RAB3C: variants seen among roughly 807,000 people sequenced by gnomAD.
The protein encoded by RAB3C is ras-related protein Rab-3C.
In RAB3C, 17 loss-of-function variants were observed where a neutral mutation model predicts 26.4. The observed-to-expected ratio is 0.64, with a 90% CI of 0.44 to 0.97. RAB3C has a LOEUF of 0.97. Ranked by LOEUF, RAB3C falls within the 50% of genes least tolerant of loss-of-function variation. The probability of loss-of-function intolerance (pLI) is 0.00; values close to 1 mark genes in which losing one functional copy is unlikely to be tolerated. For missense variants in RAB3C, 242 were observed against 281.9 expected (o/e 0.86, Z 1.01); for synonymous variants, 91 against 95.9 (o/e 0.95, Z 0.30).
intron 2 of RAB3C, among the ~76,000 whole-genome samples, chr5:58,706,326 G>A (rs1054558585): frequency 2.6e-5 from 4 of 151,978 alleles, no homozygotes; most frequent in Non-Finnish European, 5.9e-5. Context: ...TTGGGCATTC[G>A]TCTCAAATTC....
intron 2 of RAB3C, among the ~76,000 whole-genome samples, chr5:58,718,861 C>G (rs1447211803): frequency 6.6e-6 from 1 of 151,922 alleles, no homozygotes; most frequent in Non-Finnish European, 1.5e-5. Flanking sequence ...ATTAACTGCT[C>G]TAGGGAAAAA....
At chr5:58,739,819 A>G (rs915288477) in intron 3 of RAB3C, among the ~76,000 whole-genome samples, 1 of 152,232 alleles carries the variant, frequency 6.6e-6, no homozygotes, top group Non-Finnish European at 1.5e-5. Context: ...GTTGGTTCAC[A>G]TTTAAAGCCT....
chr5:58,838,252 C>T (rs1480908752), intron 4 of RAB3C, among the ~76,000 whole-genome samples: 1 of 151,776 alleles, frequency 6.6e-6, no homozygotes, highest in Admixed American at 6.6e-5. Flanking sequence ...TGGTGGCGGG[C>T]GCCTGTAGTC....
At chr5:58,645,991 C>T (rs1747508445) in intron 2 of RAB3C, among the ~76,000 whole-genome samples, 1 of 152,200 alleles carries the variant, frequency 6.6e-6, no homozygotes, top group Non-Finnish European at 1.5e-5. Flanking sequence ...TGGACAGGGC[C>T]ATAAGTGGGC....
In RAB3C at chr5:58,854,373, C is replaced by T. The variant is rs1365791714; in HGVS notation, c.*3022C>T. The stretch of plus-strand genomic sequence containing the variant: ...CAAGAGCTTTGGTGTTGGTACCTTC[C>T]TTTCTTTTCCTAATGCAACTGAAAA... On this transcript the variant is annotated 3_prime_UTR_variant, in exon 5 of 5. Transcript: ENST00000282878. The T allele has an allele frequency of 6.6e-6, 1 of 152,168 alleles. No individual in the cohort carries two copies. The highest frequency in any genetic ancestry group is 2.4e-5 in the African/African-American group (1 of 41,438). The allele number at this position is 152,168 out of a possible 1,614,324, so 9.4% of individuals were successfully genotyped here.
intron 3 of RAB3C, among the ~76,000 whole-genome samples, chr5:58,807,831 A>C (rs1742977512): frequency 6.6e-6 from 1 of 152,160 alleles, no homozygotes; most frequent in Non-Finnish European, 1.5e-5. Flanking sequence ...AGAATAAAAA[A>C]AAAAATTTAA....
chr5:58,781,141 T>C (rs914328007), intron 3 of RAB3C, among the ~76,000 whole-genome samples: 1 of 151,842 alleles, frequency 6.6e-6, no homozygotes, highest in African/African-American at 2.4e-5. Flanking sequence ...GGGAAATCAG[T>C]CAAATAAAAA....
At chr5:58,614,470 G>A (rs74635229) in intron 1 of RAB3C, among the ~76,000 whole-genome samples, 21,300 of 151,686 alleles carry the variant, frequency 0.14, 1,623 homozygotes, top group Non-Finnish European at 0.16. Context: ...TGTTAAATTA[G>A]GAAATAGTAC....
chr5:58,744,072 A>AT (rs1209032890), intron 3 of RAB3C, among the ~76,000 whole-genome samples: 4 of 152,198 alleles, frequency 2.6e-5, no homozygotes, highest in Admixed American at 6.5e-5. Flanking sequence ...GAGTCTGTGT[A>AT]TGGATCAGGA....
chr5:58,842,993 G>T (rs1743908264), intron 4 of RAB3C, among the ~76,000 whole-genome samples: 1 of 152,316 alleles, frequency 6.6e-6, no homozygotes, highest in Non-Finnish European at 1.5e-5. Flanking sequence ...ATGTACAAAG[G>T]TTAAGAGTGT....
chr5:58,689,438 AGAGGG>A (rs1748515635), intron 2 of RAB3C: 1 of 152,178 alleles, frequency 6.6e-6, no homozygotes, highest in Admixed American at 6.6e-5. Flanking sequence ...CAGATAATTT[AGAGGG>A]CATCCCATGA....
At position 58,844,250 on chromosome 5, in the gene RAB3C, G is replaced by A. The variant is rs1011408397; in HGVS notation, c.497-6914G>A. 2.6e-5 allele frequency among the ~76,000 whole-genome samples: 4 copies of A among 152,138 alleles called. No homozygotes were observed. In the South Asian group the frequency reaches 6.2e-4, roughly 24 times the overall value. On this transcript the variant is annotated intron_variant, in intron 4 of 4. Transcript: ENST00000282878. ...TCCATCTTCTTATATTATGGACCAG[G>A]ATTTGTTAAGGCCATAGACTGACCA...
At chr5:58,693,138 T>C (rs1238854113) in intron 2 of RAB3C, among the ~76,000 whole-genome samples, 1 of 147,196 alleles carries the variant, frequency 6.8e-6, no homozygotes, top group African/African-American at 2.5e-5. Flanking sequence ...AAAATATATA[T>C]AAATTATATT....
rs565370396 is a variant in RAB3C at position 58,752,448 on chromosome 5, G to T, written c.371+26328G>T. 1.5e-4 allele frequency among the ~76,000 whole-genome samples: 23 copies of T among 150,454 alleles called. No homozygotes were observed. In the South Asian group the frequency reaches 4.6e-3, roughly 30 times the overall value. ...CAGAATAGATTAAGAACTACAGTAC[G>T]GAAAGCTTATTGAGTCAATGACAGA... On this transcript the variant is annotated intron_variant, in intron 3 of 4. Transcript: ENST00000282878.
In RAB3C at chr5:58,757,973, G is replaced by A. The variant is rs997379437; in HGVS notation, c.371+31853G>A. 4.0e-5 allele frequency among the ~76,000 whole-genome samples: 6 copies of A among 151,592 alleles called. No homozygotes were observed. The South Asian group carries it at 8.4e-4, about 21-fold the overall frequency. On this transcript the variant is annotated intron_variant, in intron 3 of 4. Transcript: ENST00000282878. Reference sequence around the variant, plus strand: ...TGTTTTGTTTTTGAGACGGAGTCTCGCTCTGTCGCCCAGGCTGGAGTGCAG... The same window carrying A: ...TGTTTTGTTTTTGAGACGGAGTCTCACTCTGTCGCCCAGGCTGGAGTGCAG...
chr5:58,584,779 C>G (rs1745976982), intron 1 of RAB3C, among the ~76,000 whole-genome samples: 1 of 151,992 alleles, frequency 6.6e-6, no homozygotes, highest in Non-Finnish European at 1.5e-5. Flanking sequence ...TATGTATGCA[C>G]TGATATTTTT....
At chr5:58,740,580 G>T in intron 3 of RAB3C, among the ~76,000 whole-genome samples, 1 of 152,182 alleles carries the variant, frequency 6.6e-6, no homozygotes, top group East Asian at 1.9e-4. Flanking sequence ...CCAGCACTTT[G>T]GGAGGCTGAG....
intron 3 of RAB3C, among the ~76,000 whole-genome samples, chr5:58,795,139 G>A (rs1006069722): frequency 6.6e-6 from 1 of 152,046 alleles, no homozygotes; most frequent in African/African-American, 2.4e-5. Context: ...TTTGTAAAGG[G>A]GAGTTCCCCT....
intron 2 of RAB3C, among the ~76,000 whole-genome samples, chr5:58,708,879 G>A (rs980643119): frequency 7.2e-5 from 11 of 152,170 alleles, no homozygotes; most frequent in African/African-American, 2.7e-4. Flanking sequence ...ATTAAATTTT[G>A]CTGTATACAT....
Sources: allele counts gnomAD v4.1 joint callset (sites outside exome capture counted in the v4.1 genomes callset), GRCh38; gene constraint gnomAD v4.1.1; transcripts MANE v1.5; gene names NCBI Gene and HGNC (gene_info 2026-07-23, HGNC 2026-07-21).